Variants in ZFHX3 observed in about 807,000 individuals in gnomAD.
The protein encoded by ZFHX3 is zinc finger homeobox 3, also known as zinc finger homeobox protein 3.
ZFHX3 carries 42 observed loss-of-function variants against 279.1 expected under a neutral mutation model. That is an observed-to-expected ratio of 0.15 (90% CI 0.12 to 0.19). The LOEUF is 0.19. ZFHX3 is among the 10% of genes least tolerant of loss of function. The pLI is 1.00. For missense variants in ZFHX3, 4,981 were observed against 4,754.0 expected (o/e 1.05, Z -1.40); for synonymous variants, 2,293 against 1,957.8 (o/e 1.17, Z -4.52).
intron 2 of ZFHX3, among the ~76,000 whole-genome samples, chr16:73,582,119 A>G (rs2051868507): frequency 6.6e-6 from 1 of 151,972 alleles, no homozygotes; most frequent in Admixed American, 6.5e-5. Flanking sequence ...ACAGACCTAA[A>G]CAATGGCTAG....
intron 3 of ZFHX3, among the ~76,000 whole-genome samples, chr16:73,378,906 T>C (rs891800176): frequency 3.9e-5 from 6 of 152,226 alleles, no homozygotes; most frequent in African/African-American, 1.4e-4. Flanking sequence ...CCATGCTTCA[T>C]GCCATCTACC....
At chr16:73,561,565 T>G (rs1204648332) in intron 2 of ZFHX3, among the ~76,000 whole-genome samples, 6 of 151,508 alleles carry the variant, frequency 4.0e-5, no homozygotes, top group African/African-American at 1.4e-4. Context: ...AGTGGAAAGG[T>G]AACAGACACC....
At chr16:73,863,002 G>GGAGATC (rs1555505587) in intron 1 of ZFHX3, among the ~76,000 whole-genome samples, 1 of 151,166 alleles carries the variant, frequency 6.6e-6, no homozygotes, top group Non-Finnish European at 1.5e-5. Context: ...CAGAAGGTCA[G>GGAGATC]GAGACCAGCC....
At chr16:72,932,159 A>G (rs1156381151) in intron 3 of ZFHX3, among the ~76,000 whole-genome samples, 1 of 152,190 alleles carries the variant, frequency 6.6e-6, no homozygotes, top group Admixed American at 6.5e-5. Flanking sequence ...TCTAACTTGC[A>G]TCTAATTTTG....
intron 1 of ZFHX3, among the ~76,000 whole-genome samples, chr16:73,022,573 G>T (rs1323951354): frequency 6.6e-6 from 1 of 152,164 alleles, no homozygotes; most frequent in African/African-American, 2.4e-5. Context: ...TGACAACCAA[G>T]AATGTCTCCA....
chr16:73,032,588 C>T (rs1488418029), intron 1 of ZFHX3, among the ~76,000 whole-genome samples: 1 of 152,128 alleles, frequency 6.6e-6, no homozygotes, highest in Non-Finnish European at 1.5e-5. Flanking sequence ...TTCCCCAGAG[C>T]GGGCAGCTTT....
chr16:73,520,026 T>C (rs940581019), intron 2 of ZFHX3, among the ~76,000 whole-genome samples: 2 of 152,348 alleles, frequency 1.3e-5, no homozygotes, highest in South Asian at 4.1e-4. Flanking sequence ...TAAAAGAATG[T>C]ATGGAAACTG....
At chr16:73,467,957 G>A (rs183153281) in intron 2 of ZFHX3, among the ~76,000 whole-genome samples, 2 of 152,316 alleles carry the variant, frequency 1.3e-5, no homozygotes, top group East Asian at 3.9e-4. Context: ...ATTTATCAGA[G>A]CTCTCCTAAA....
At position 72,994,565 on chromosome 16, in the gene ZFHX3, C is replaced by T. The variant is rs187810423; in HGVS notation, c.-49-34371G>A. Among the ~76,000 whole-genome samples the T allele has an allele frequency of 5.4e-3, 816 of 152,336 alleles. 8 individuals carry two copies. The highest frequency in any genetic ancestry group is 0.031 in the South Asian group (149 of 4,826). On this transcript the variant is annotated intron_variant, in intron 1 of 9. Coordinates refer to ENST00000268489, the MANE Select transcript of ZFHX3 (RefSeq NM_006885.4). ...GGCCTGGCTATGGCAGCCTATCCGA[C>T]TCCTACCTCCTCTACCTTTCCCCAG...
At chr16:73,323,446 G>T (rs1291357998) in intron 3 of ZFHX3, among the ~76,000 whole-genome samples, 1 of 152,128 alleles carries the variant, frequency 6.6e-6, no homozygotes, top group Admixed American at 6.6e-5. Context: ...GAACAAGGGA[G>T]GTAAGCAGTG....
At chr16:73,600,448 C>T (rs971461847) in intron 2 of ZFHX3, among the ~76,000 whole-genome samples, 3 of 139,160 alleles carry the variant, frequency 2.2e-5, no homozygotes, top group Non-Finnish European at 3.0e-5. Flanking sequence ...GATGGAGTCT[C>T]GCTCTGTCAC....
At chr16:72,829,126 C>T (rs1190700161) in intron 5 of ZFHX3, among the ~76,000 whole-genome samples, 1 of 151,808 alleles carries the variant, frequency 6.6e-6, no homozygotes, top group African/African-American at 2.4e-5. Context: ...CACCTCAGCC[C>T]CCCGAGTAAC....
chr16:73,481,264 G>C (rs1272546962), intron 2 of ZFHX3, among the ~76,000 whole-genome samples: 1 of 151,956 alleles, frequency 6.6e-6, no homozygotes, highest in Non-Finnish European at 1.5e-5. Context: ...AGGAGGTGGA[G>C]GCTGCAGTGA....
chr16:73,676,744 G>A (rs934275854), intron 2 of ZFHX3, among the ~76,000 whole-genome samples: 1 of 151,658 alleles, frequency 6.6e-6, no homozygotes, highest in Non-Finnish European at 1.5e-5. Context: ...AGACAAACAA[G>A]TACAGAAAGG....
intron 4 of ZFHX3, among the ~76,000 whole-genome samples, chr16:73,291,987 G>A (rs911812014): frequency 1.3e-5 from 2 of 152,078 alleles, no homozygotes; most frequent in African/African-American, 4.8e-5. Context: ...CCTCTCCTCT[G>A]GGTAAGCAGA....
chr16:72,880,622 C>T (rs1362178583), intron 4 of ZFHX3, among the ~76,000 whole-genome samples: 1 of 152,158 alleles, frequency 6.6e-6, no homozygotes, highest in African/African-American at 2.4e-5. Context: ...TCTTTTTTGA[C>T]TTTATAATAT....
chr16:73,474,088 C>A (rs915108620), intron 2 of ZFHX3, among the ~76,000 whole-genome samples: 3 of 152,084 alleles, frequency 2.0e-5, no homozygotes, highest in Non-Finnish European at 4.4e-5. Flanking sequence ...AGTTGGAAAC[C>A]ACACCAAAGG....
intron 3 of ZFHX3, among the ~76,000 whole-genome samples, chr16:73,451,143 T>C (rs1214747654): frequency 3.3e-5 from 5 of 152,100 alleles, no homozygotes. Flanking sequence ...TGAGATGAGA[T>C]CAGTCAAGGG....
At chr16:73,435,367 C>T (rs2017979404) in intron 3 of ZFHX3, among the ~76,000 whole-genome samples, 1 of 152,114 alleles carries the variant, frequency 6.6e-6, no homozygotes, top group African/African-American at 2.4e-5. Flanking sequence ...CACTACCAGG[C>T]CCAGCTAATT....
Sources: gnomAD v4.1 joint callset for allele counts (sites outside exome capture counted in the v4.1 genomes callset) on GRCh38, gnomAD v4.1.1 for gene constraint, MANE v1.5 for transcripts, NCBI Gene and HGNC (gene_info 2026-07-23, HGNC 2026-07-21) for gene names.